The following XRRA1 variants were observed in gnomAD, a reference collection of about 807,000 sequenced individuals.
XRRA1 encodes the protein X-ray radiation resistance-associated protein 1.
Under a neutral mutation model 80.2 loss-of-function variants are expected in XRRA1, and 69 were observed. The observed-to-expected ratio is 0.86, with a 90% confidence interval of 0.71 to 1.05. The LOEUF is 1.05. XRRA1 is among the 50% of genes least tolerant of loss of function. XRRA1 has a pLI of 0.00. For synonymous variants in XRRA1, 348 were observed against 389.9 expected (o/e 0.89, Z 1.27); for missense variants, 967 against 976.4 (o/e 0.99, Z 0.13).
At chr11:74,879,431 C>A (rs2046917330) in intron 10 of XRRA1, among the ~76,000 whole-genome samples, 1 of 152,200 alleles carries the variant, frequency 6.6e-6, no homozygotes, top group South Asian at 2.1e-4. Flanking sequence ...TTGACTTCCT[C>A]TTTTCCTAAT....
intron 14 of XRRA1, 79 bp downstream of exon 14, chr11:74,851,009 C>G (rs1486130367): frequency 1.8e-6 from 2 of 1,097,764 alleles, no homozygotes; most frequent in African/African-American, 1.6e-5. Context: ...GTGAGCAGCT[C>G]TACAGCCAGG....
At chr11:74,846,775 C>T (rs2135402061) in intron 15 of XRRA1, among the ~76,000 whole-genome samples, 1 of 152,238 alleles carries the variant, frequency 6.6e-6, no homozygotes, top group South Asian at 2.1e-4. Context: ...ATGGAAAACC[C>T]TCACCTAATA....
At chr11:74,942,522 A>G (rs1424441774) in intron 2 of XRRA1, among the ~76,000 whole-genome samples, 2 of 152,170 alleles carry the variant, frequency 1.3e-5, no homozygotes, top group Admixed American at 1.3e-4. Context: ...ACGTAGGGGG[A>G]CATGTGCTCT....
intron 14 of XRRA1, among the ~76,000 whole-genome samples, chr11:74,850,192 T>C (rs767918828): frequency 1.8e-4 from 27 of 152,098 alleles, no homozygotes; most frequent in Non-Finnish European, 3.7e-4. Flanking sequence ...CCTCTCTGAG[T>C]CTGTTGCTTC....
intron 16 of XRRA1, 36 bp downstream of exon 16, chr11:74,845,037 C>T: frequency 2.5e-6 from 4 of 1,602,884 alleles, no homozygotes; most frequent in Non-Finnish European, 3.4e-6. Flanking sequence ...GTGGAGATGG[C>T]CTCTTGCCCT....
chr11:74,907,406 G>GT, intron 8 of XRRA1, 133 bp from the exon 9 acceptor site: 1 of 1,128,350 alleles, frequency 8.9e-7, no homozygotes. Context: ...CCCAAAAGAG[G>GT]TCCCCATAGG....
At chr11:74,846,573 A>T (rs911250426) in intron 15 of XRRA1, among the ~76,000 whole-genome samples, 1 of 152,210 alleles carries the variant, frequency 6.6e-6, no homozygotes, top group African/African-American at 2.4e-5. Context: ...AGTAAAAGGG[A>T]TTATATACTA....
At chr11:74,919,425 C>G (rs1237153763) in intron 8 of XRRA1, 3 of 192,610 alleles carry the variant, frequency 1.6e-5, no homozygotes, top group African/African-American at 7.2e-5. Context: ...AACAAAATAC[C>G]AATTACCTCT....
chr11:74,936,093 A>G (rs1482466642), intron 4 of XRRA1, among the ~76,000 whole-genome samples: 2 of 152,254 alleles, frequency 1.3e-5, no homozygotes, highest in African/African-American at 2.4e-5. Context: ...CTTGGGAACC[A>G]TAGCAGAATC....
At chr11:74,863,408 G>C (rs1047246384) in intron 10 of XRRA1, 4 of 208,918 alleles carry the variant, frequency 1.9e-5, no homozygotes, top group Non-Finnish European at 2.9e-5. Context: ...AGTCCATACT[G>C]AGCAGAAAGC....
chr11:74,922,014 T>C (rs1050278227), intron 7 of XRRA1, among the ~76,000 whole-genome samples: 2 of 151,966 alleles, frequency 1.3e-5, no homozygotes, highest in African/African-American at 2.4e-5. Flanking sequence ...TCCCAGCACT[T>C]TGGGAGGCAG....
At chr11:74,920,063 TATGACAGA>T (rs1434172311) in intron 8 of XRRA1, 3 of 184,246 alleles carry the variant, frequency 1.6e-5, no homozygotes, top group Non-Finnish European at 3.3e-5. Context: ...TCTTCATGTG[TATGACAGA>T]ACAAGTAACA....
chr11:74,946,628 T>C lies in XRRA1; in HGVS notation c.-72-1543A>G, dbSNP rs557734351. On this transcript the variant is annotated intron_variant, in intron 1 of 18. Coordinates refer to ENST00000684022, the MANE Select transcript of XRRA1 (RefSeq NM_001378157.1). Reference sequence around the variant, plus strand: ...GCAGTTCTTTATAGCAGTGTGAAAATGGACTAATACAGGCACTATACCACA... The same window carrying C: ...GCAGTTCTTTATAGCAGTGTGAAAACGGACTAATACAGGCACTATACCACA... Among the ~76,000 whole-genome samples, 6 of 152,338 alleles carry C rather than the reference T, an allele frequency of 3.9e-5. No individual in the cohort carries two copies. In the South Asian group the frequency reaches 1.0e-3, roughly 26 times the overall value.
chr11:74,927,273 G>A, intron 7 of XRRA1, 118 bp downstream of exon 7: 1 of 142,114 alleles, frequency 7.0e-6, no homozygotes, highest in Non-Finnish European at 1.5e-5. Context: ...AATGAAGCAA[G>A]GGCCTGGCTG....
intron 3 of XRRA1, 47 bp from the exon 4 acceptor site, chr11:74,937,115 C>T: frequency 6.4e-7 from 1 of 1,572,734 alleles, no homozygotes. Context: ...TCCAAAGCTA[C>T]AACGAGTGCA....
At chr11:74,872,793 T>C (rs1378951376) in intron 10 of XRRA1, among the ~76,000 whole-genome samples, 1 of 152,108 alleles carries the variant, frequency 6.6e-6, no homozygotes, top group African/African-American at 2.4e-5. Flanking sequence ...TTCTGAAAAT[T>C]GAAGGAAGGA....
chr11:74,858,184 A>C (rs559619908), intron 12 of XRRA1, among the ~76,000 whole-genome samples: 11 of 152,334 alleles, frequency 7.2e-5, no homozygotes, highest in African/African-American at 2.4e-4. Context: ...TGAAAGAGGT[A>C]ATGTCTAACT....
chr11:74,873,417 G>T (rs1438525603), intron 10 of XRRA1, among the ~76,000 whole-genome samples: 8 of 152,142 alleles, frequency 5.3e-5, no homozygotes, highest in African/African-American at 1.4e-4. Context: ...GAACTAAATG[G>T]TTCAGTCCTA....
intron 7 of XRRA1, among the ~76,000 whole-genome samples, chr11:74,924,452 C>T (rs1190302437): frequency 8.3e-5 from 12 of 144,106 alleles, no homozygotes; most frequent in African/African-American, 5.2e-5. Flanking sequence ...CCAGCCTGGG[C>T]GACAGAGCGA....
Sources: gnomAD v4.1 joint callset for allele counts (sites outside exome capture counted in the v4.1 genomes callset) on GRCh38, gnomAD v4.1.1 for gene constraint, MANE v1.5 for transcripts, NCBI Gene and HGNC (gene_info 2026-07-23, HGNC 2026-07-21) for gene names.